RUNX1T1: variants seen among roughly 807,000 people sequenced by gnomAD.
RUNX1T1 encodes the protein protein CBFA2T1.
In RUNX1T1, 4 loss-of-function variants were observed where a neutral mutation model predicts 62.8. The observed-to-expected ratio is 0.06, with a 90% CI of 0.03 to 0.15. The LOEUF is 0.15. RUNX1T1 is among the 10% of genes least tolerant of loss of function. The pLI is 1.00. For synonymous variants in RUNX1T1, 291 were observed against 286.0 expected (o/e 1.02, Z -0.18); for missense variants, 508 against 754.3 (o/e 0.67, Z 3.82).
At chr8:92,055,835 G>A (rs866475927) in intron 1 of RUNX1T1, among the ~76,000 whole-genome samples, 2 of 152,116 alleles carry the variant, frequency 1.3e-5, no homozygotes, top group South Asian at 4.1e-4. Context: ...TTGTCTGTAG[G>A]CTATACAAAT....
At chr8:92,097,547 G>T (rs1351823402) in intron 1 of RUNX1T1, among the ~76,000 whole-genome samples, 1 of 151,974 alleles carries the variant, frequency 6.6e-6, no homozygotes, top group Admixed American at 6.6e-5. Context: ...AACTCCAGAG[G>T]AAGAAAAATA....
intron 2 of RUNX1T1, 97 bp downstream of exon 3, chr8:92,017,129 G>T: frequency 1.1e-6 from 1 of 913,814 alleles, no homozygotes. Context: ...ATAATACATT[G>T]ATGCTGAATT....
At chr8:91,966,241 C>T (rs1344948053) in intron 10 of RUNX1T1, among the ~76,000 whole-genome samples, 6 of 151,472 alleles carry the variant, frequency 4.0e-5, no homozygotes, top group Non-Finnish European at 8.8e-5. Context: ...ATCAACTGGT[C>T]TGATGAGATT....
At chr8:91,989,638 T>C (rs1440279703) in intron 6 of RUNX1T1, among the ~76,000 whole-genome samples, 1 of 152,208 alleles carries the variant, frequency 6.6e-6, no homozygotes, top group Non-Finnish European at 1.5e-5. Context: ...AAACAGGCCA[T>C]TTGCTAACAC....
intron 8 of RUNX1T1, 81 bp downstream of exon 9, chr8:91,986,043 A>C: frequency 4.1e-6 from 4 of 972,652 alleles, no homozygotes; most frequent in Non-Finnish European, 6.6e-6. Context: ...CATATCCTTT[A>C]ATTTTAAAAA....
intron 1 of RUNX1T1, among the ~76,000 whole-genome samples, chr8:92,088,444 C>T (rs1047922754): frequency 1.2e-4 from 19 of 152,200 alleles, no homozygotes; most frequent in Admixed American, 9.8e-4. Context: ...GCATTTAAAG[C>T]GCAGCTTGTA....
At chr8:92,087,663 C>T (rs941425609) in intron 1 of RUNX1T1, among the ~76,000 whole-genome samples, 2 of 152,116 alleles carry the variant, frequency 1.3e-5, no homozygotes, top group African/African-American at 4.8e-5. Context: ...ACATCTAGCA[C>T]ACAGCTTTAC....
At chr8:92,091,017 C>G (rs1836912815) in intron 1 of RUNX1T1, among the ~76,000 whole-genome samples, 1 of 152,164 alleles carries the variant, frequency 6.6e-6, no homozygotes, top group African/African-American at 2.4e-5. Flanking sequence ...TAGCAGCCCT[C>G]AAGAGCCCTG....
intron 5 of RUNX1T1, among the ~76,000 whole-genome samples, chr8:91,996,608 C>T (rs762670441): frequency 1.2e-4 from 18 of 152,126 alleles, no homozygotes; most frequent in Non-Finnish European, 1.0e-4. Flanking sequence ...ACTTCTCTCT[C>T]GAGGTTTAAT....
intron 1 of RUNX1T1, among the ~76,000 whole-genome samples, chr8:92,094,548 A>C (rs1003342196): frequency 2.0e-5 from 3 of 152,166 alleles, no homozygotes; most frequent in African/African-American, 7.2e-5. Context: ...ATTCCATATT[A>C]AAAGTAGGCT....
At chr8:92,024,620 C>G (rs1215784491) in intron 1 of RUNX1T1, among the ~76,000 whole-genome samples, 4 of 149,654 alleles carry the variant, frequency 2.7e-5, no homozygotes, top group Non-Finnish European at 5.9e-5. Context: ...ATGTACACTA[C>G]TTTATCTGAC....
At chr8:92,096,747 G>A (rs1837778866) in intron 1 of RUNX1T1, among the ~76,000 whole-genome samples, 1 of 152,104 alleles carries the variant, frequency 6.6e-6, no homozygotes, top group Non-Finnish European at 1.5e-5. Flanking sequence ...TTATAAAATA[G>A]TTTTATGCAG....
At chr8:92,028,577 T>C (rs1323996150) in intron 1 of RUNX1T1, among the ~76,000 whole-genome samples, 2 of 152,230 alleles carry the variant, frequency 1.3e-5, no homozygotes, top group African/African-American at 4.8e-5. Flanking sequence ...AATAGGCTAG[T>C]TCCAGGTTAA....
chr8:91,964,182 C>T (rs576316957), intron 10 of RUNX1T1, among the ~76,000 whole-genome samples: 8 of 152,184 alleles, frequency 5.3e-5, no homozygotes, highest in South Asian at 2.1e-4. Context: ...TGAAGGTATT[C>T]GACACTTTGT....
At chr8:92,055,209 T>C (rs1402998147) in intron 1 of RUNX1T1, among the ~76,000 whole-genome samples, 2 of 152,100 alleles carry the variant, frequency 1.3e-5, no homozygotes, top group African/African-American at 2.4e-5. Flanking sequence ...AATGACATGG[T>C]ACCAAATGTT....
intron 9 of RUNX1T1, chr8:91,971,069 A>G (rs1376450721): frequency 2.4e-6 from 1 of 411,634 alleles, no homozygotes; most frequent in African/African-American, 2.0e-5. Context: ...GTAGAATTCT[A>G]TAGAAGAAGC....
At chr8:92,002,494 T>C (rs1819959075) in intron 5 of RUNX1T1, among the ~76,000 whole-genome samples, 1 of 152,114 alleles carries the variant, frequency 6.6e-6, no homozygotes, top group Non-Finnish European at 1.5e-5. Flanking sequence ...CTGAAACACA[T>C]GATGACTGTT....
intron 3 of RUNX1T1, among the ~76,000 whole-genome samples, chr8:92,012,789 T>C (rs1367389722): frequency 6.6e-6 from 1 of 151,948 alleles, no homozygotes; most frequent in Non-Finnish European, 1.5e-5. Context: ...ATGGTAGTCC[T>C]GAGAATTATG....
At chr8:92,031,750 A>G (rs1281256669) in intron 1 of RUNX1T1, among the ~76,000 whole-genome samples, 1 of 152,138 alleles carries the variant, frequency 6.6e-6, no homozygotes, top group Non-Finnish European at 1.5e-5. Context: ...GATTATAGGC[A>G]TAAACCAGTG....
Sources: allele counts gnomAD v4.1 joint callset (sites outside exome capture counted in the v4.1 genomes callset), GRCh38; gene constraint gnomAD v4.1.1; transcripts MANE v1.5; gene names NCBI Gene and HGNC (gene_info 2026-07-23, HGNC 2026-07-21).